Variants in TFEB observed in about 807,000 individuals in gnomAD.
TFEB encodes the protein T-cell transcription factor EB.
Under a neutral mutation model 48.0 loss-of-function variants are expected in TFEB, and 12 were observed. That is an observed-to-expected ratio of 0.25 (90% CI 0.16 to 0.40). The LOEUF (loss-of-function observed/expected upper bound fraction) is 0.40, where lower values mean the gene tolerates loss of function less well. Among genes scored for constraint, TFEB ranks in the 10% least tolerant of loss-of-function variants. The pLI is 1.00. For missense variants in TFEB, 509 were observed against 640.3 expected, an observed-to-expected ratio of 0.79 and a Z score of 2.21; for synonymous variants, 244 against 261.4, an observed-to-expected ratio of 0.93 and a Z score of 0.64.
Position 41,723,246 on chromosome 6 carries a change from G to A in TFEB, c.-23+12104C>T, listed in dbSNP as rs991215566. Among the ~76,000 whole-genome samples the A allele has an allele frequency of 2.0e-5, 3 of 151,858 alleles. No homozygotes were observed. The highest frequency in any genetic ancestry group is 7.3e-5 in the African/African-American group (3 of 41,314). On this transcript the variant is annotated intron_variant, in intron 1 of 8. Transcript: ENST00000373033. The surrounding 1 kb of genome is among the most constrained non-coding windows in gnomAD (Gnocchi z 6.0). ...CATTCTTTCCCTCACCCCAGCCTTG[G>A]CCATGCTCAGAGACCCCCACCCCTC...
chr6:41,695,952 T>C (rs1769557386), intron 1 of TFEB, among the ~76,000 whole-genome samples: 1 of 152,228 alleles, frequency 6.6e-6, no homozygotes, highest in South Asian at 2.1e-4. Flanking sequence ...AGCCCTGCCC[T>C]GCTCGGTGCA....
chr6:41,729,830 C>G (rs1439417835), intron 1 of TFEB, among the ~76,000 whole-genome samples: 1 of 152,200 alleles, frequency 6.6e-6, no homozygotes, highest in Non-Finnish European at 1.5e-5. Context: ...AGGGGACAGG[C>G]CTACCAGGCC....
At chr6:41,708,839 C>T (rs1379731168) in intron 1 of TFEB, among the ~76,000 whole-genome samples, 2 of 152,198 alleles carry the variant, frequency 1.3e-5, no homozygotes, top group Non-Finnish European at 2.9e-5. Flanking sequence ...TAGGGGAAGA[C>T]CAGTCACTGG....
At chr6:41,689,833 C>CTGGGGAGGGCCCACCACGAGG (rs1769203144) in intron 3 of TFEB, 22 bp from the exon 4 acceptor site, 1 of 1,605,310 alleles carries the variant, frequency 6.2e-7, no homozygotes, top group African/African-American at 1.3e-5. Context: ...AAAAGTCCAT[C>CTGGGGAGGGCCCACCACGAGG]TGGGGAGGGC....
chr6:41,713,219 C>A lies in TFEB; in HGVS notation c.-22-21984G>T, dbSNP rs773576372. 6.7e-4 allele frequency among the ~76,000 whole-genome samples: 102 copies of A among 152,114 alleles called. 1 individual carries two copies. Among genetic ancestry groups the A allele is most frequent in the Non-Finnish European group, 2.4e-4 (16 of 67,976 alleles). On this transcript the variant is annotated intron_variant, in intron 1 of 8. Transcript: ENST00000373033. ...TGGCCACCCAGCCTGCACCAGGGTG[C>A]TGGGGTACCCCAGGAGAGGAGCTGG...
chr6:41,694,487 C>T (rs1229154071), intron 1 of TFEB, among the ~76,000 whole-genome samples: 1 of 152,050 alleles, frequency 6.6e-6, no homozygotes, highest in Admixed American at 6.5e-5. Flanking sequence ...CCCTGGTCGC[C>T]AGCCTGGGTT....
chr6:41,706,798 T>A (rs1390384598), intron 1 of TFEB, among the ~76,000 whole-genome samples: 1 of 149,180 alleles, frequency 6.7e-6, no homozygotes, highest in Non-Finnish European at 1.5e-5. Flanking sequence ...GAGTGAGCTG[T>A]CCCCCAACCT....
At chr6:41,706,374 G>A (rs955485095) in intron 1 of TFEB, among the ~76,000 whole-genome samples, 2 of 152,120 alleles carry the variant, frequency 1.3e-5, no homozygotes, top group Non-Finnish European at 2.9e-5. Context: ...TCTGAGTCAC[G>A]CCTGGTGGGG....
At position 41,734,730 on chromosome 6, in the gene TFEB, AG is replaced by A. The variant is rs911679088; in HGVS notation, c.-23+619del. ...CCCAGGGACTCGAGGGGACGGGGCCAGGGGCGGCTTCTTCAAGAGACCGAGC... is the reference window on the plus strand; with the variant it reads ...CCCAGGGACTCGAGGGGACGGGGCCAGGGCGGCTTCTTCAAGAGACCGAGC... On this transcript the variant is annotated intron_variant, in intron 1 of 8. Coordinates refer to ENST00000373033, the MANE Select transcript of TFEB (RefSeq NM_001271944.2). This position sits in a 1 kb window ranked among gnomAD's most constrained non-coding sequence, Gnocchi z 4.0. Among the ~76,000 whole-genome samples, 5 of 151,594 alleles carry A rather than the reference AG, an allele frequency of 3.3e-5. No homozygotes were observed. The highest frequency in any genetic ancestry group is 2.0e-4 in the Admixed American group (3 of 15,236).
chr6:41,699,322 G>A (rs933310066), intron 1 of TFEB, among the ~76,000 whole-genome samples: 12 of 152,236 alleles, frequency 7.9e-5, no homozygotes, highest in African/African-American at 2.7e-4. Context: ...CCCTGCATAA[G>A]TTCCTTTGGG....
At chr6:41,733,755 G>C (rs1771549661) in intron 1 of TFEB, 2 of 985,076 alleles carry the variant, frequency 2.0e-6, no homozygotes, top group South Asian at 4.7e-5. Flanking sequence ...ATTGCTGGCT[G>C]TCCCTCCCCG....
At chr6:41,716,839 G>T (rs1286532601) in intron 1 of TFEB, among the ~76,000 whole-genome samples, 1 of 152,162 alleles carries the variant, frequency 6.6e-6, no homozygotes, top group Non-Finnish European at 1.5e-5. Context: ...TCACAACCCA[G>T]CCTGGCCTAC....
At chr6:41,697,493 C>A (rs1192516471) in intron 1 of TFEB, among the ~76,000 whole-genome samples, 1 of 123,218 alleles carries the variant, frequency 8.1e-6, no homozygotes, top group Non-Finnish European at 1.6e-5. Flanking sequence ...CAACACCACC[C>A]CTTCTCCAAA....
chr6:41,729,024 C>T (rs992538690), intron 1 of TFEB, among the ~76,000 whole-genome samples: 2 of 152,060 alleles, frequency 1.3e-5, no homozygotes, highest in Non-Finnish European at 2.9e-5. Context: ...CGGACCAAAA[C>T]ACAGCAAACC....
intron 6 of TFEB, 31 bp from the exon 7 acceptor site, chr6:41,687,200 T>TA: frequency 6.2e-7 from 1 of 1,611,396 alleles, no homozygotes; most frequent in Non-Finnish European, 8.5e-7. Flanking sequence ...AAGGAGCAAT[T>TA]AGAGGGATGG....
intron 1 of TFEB, among the ~76,000 whole-genome samples, chr6:41,702,498 G>A (rs778903439): frequency 6.6e-6 from 1 of 152,116 alleles, no homozygotes; most frequent in Non-Finnish European, 1.5e-5. Context: ...GCCTGAGGGC[G>A]ATAGAGGGGT....
At chr6:41,695,229 C>T (rs1186361842) in intron 1 of TFEB, among the ~76,000 whole-genome samples, 1 of 152,302 alleles carries the variant, frequency 6.6e-6, no homozygotes, top group Non-Finnish European at 1.5e-5. Flanking sequence ...GTGTGGCAGT[C>T]GCTTCATAAC....
chr6:41,703,087 GC>G (rs752546130), intron 1 of TFEB, among the ~76,000 whole-genome samples: 2 of 152,218 alleles, frequency 1.3e-5, no homozygotes, highest in African/African-American at 2.4e-5. Context: ...CCTCTCCAGA[GC>G]CATGGCAGCC....
At chr6:41,688,243 G>C (rs1334701753) in intron 4 of TFEB, 8 of 530,294 alleles carry the variant, frequency 1.5e-5, no homozygotes, top group East Asian at 5.8e-5. Flanking sequence ...CCCTGGCCTA[G>C]AGTGTCTGAG....
Sources: gnomAD v4.1 joint callset for allele counts (sites outside exome capture counted in the v4.1 genomes callset) on GRCh38, gnomAD v4.1.1 for gene constraint, Gnocchi (gnomAD v3.1) non-coding constraint, MANE v1.5 for transcripts, NCBI Gene and HGNC (gene_info 2026-07-23, HGNC 2026-07-21) for gene names.